DGKB: variants seen among roughly 807,000 people sequenced by gnomAD.
The protein encoded by DGKB is diacylglycerol kinase beta, also known as 90 kDa diacylglycerol kinase.
DGKB carries 67 observed loss-of-function variants against 114.3 expected under a neutral mutation model. That is an observed-to-expected ratio of 0.59 (90% CI 0.48 to 0.72). The LOEUF is 0.72. DGKB is among the 30% of genes least tolerant of loss of function. The probability of loss-of-function intolerance (pLI) is 0.00; values close to 1 mark genes in which losing one functional copy is unlikely to be tolerated. For synonymous variants in DGKB, 398 were observed against 323.1 expected, an observed-to-expected ratio of 1.23 and a Z score of -2.49; for missense variants, 907 against 975.2, an observed-to-expected ratio of 0.93 and a Z score of 0.93.
intron 2 of DGKB, among the ~76,000 whole-genome samples, chr7:14,826,983 A>G (rs914672827): frequency 2.0e-5 from 3 of 152,116 alleles, no homozygotes; most frequent in Non-Finnish European, 4.4e-5. Flanking sequence ...ATCCATGAAT[A>G]ATGGCTAGCC....
At chr7:14,217,513 G>C (rs371125505) in intron 23 of DGKB, among the ~76,000 whole-genome samples, 9 of 151,800 alleles carry the variant, frequency 5.9e-5, no homozygotes, top group African/African-American at 2.2e-4. Flanking sequence ...CTATTCCAAA[G>C]CTCTAAGACC....
intron 13 of DGKB, among the ~76,000 whole-genome samples, chr7:14,645,471 T>A (rs1244222795): frequency 6.6e-6 from 1 of 151,708 alleles, no homozygotes; most frequent in Non-Finnish European, 1.5e-5. Context: ...TGCTGAACAA[T>A]GGCAGCAAAG....
intron 23 of DGKB, among the ~76,000 whole-genome samples, chr7:14,318,491 C>G (rs564596452): frequency 6.6e-6 from 1 of 152,332 alleles, no homozygotes; most frequent in Admixed American, 6.5e-5. Context: ...TCAACAGACA[C>G]TTCTCAAAAG....
chr7:14,726,276 A>G (rs1830018128), intron 5 of DGKB, among the ~76,000 whole-genome samples: 1 of 151,962 alleles, frequency 6.6e-6, no homozygotes, highest in Non-Finnish European at 1.5e-5. Context: ...GGTAGCTGGG[A>G]TTATAGGCAC....
intron 20 of DGKB, among the ~76,000 whole-genome samples, chr7:14,516,882 C>G (rs1788880579): frequency 6.6e-6 from 1 of 151,750 alleles, no homozygotes; most frequent in Admixed American, 6.6e-5. Flanking sequence ...CCATACTGCC[C>G]AAAGCAACTT....
chr7:14,823,479 T>A (rs1443477416), intron 2 of DGKB, among the ~76,000 whole-genome samples: 1 of 152,114 alleles, frequency 6.6e-6, no homozygotes. Context: ...TTTCAGATTT[T>A]TTTTGCTAAT....
intron 23 of DGKB, among the ~76,000 whole-genome samples, chr7:14,232,269 A>C (rs555455654): frequency 2.6e-5 from 4 of 151,646 alleles, no homozygotes; most frequent in Non-Finnish European, 5.9e-5. Context: ...CCCATTTTGT[A>C]CTCAATCCTT....
At chr7:14,796,033 C>T (rs1320840193) in intron 2 of DGKB, among the ~76,000 whole-genome samples, 1 of 152,004 alleles carries the variant, frequency 6.6e-6, no homozygotes, top group Non-Finnish European at 1.5e-5. Context: ...ATTTTGCTCT[C>T]AAAATTAATT....
chr7:14,406,659 C>A (rs1823982760), intron 21 of DGKB, among the ~76,000 whole-genome samples: 1 of 152,020 alleles, frequency 6.6e-6, no homozygotes, highest in African/African-American at 2.4e-5. Flanking sequence ...GACTATCTAT[C>A]CCTAGGGATC....
intron 1 of DGKB, among the ~76,000 whole-genome samples, chr7:14,959,235 T>C (rs1348940941): frequency 1.3e-5 from 2 of 152,104 alleles, no homozygotes; most frequent in African/African-American, 4.8e-5. Flanking sequence ...TATTGATAAG[T>C]TTATTTCTAG....
chr7:14,814,916 ATTCC>A (rs1843904687), intron 2 of DGKB, among the ~76,000 whole-genome samples: 1 of 152,164 alleles, frequency 6.6e-6, no homozygotes, highest in South Asian at 2.1e-4. Flanking sequence ...TTTGTGATCT[ATTCC>A]TTTTGCTCTT....
chr7:14,297,388 G>C (rs1452205795), intron 23 of DGKB, among the ~76,000 whole-genome samples: 1 of 152,072 alleles, frequency 6.6e-6, no homozygotes, highest in Non-Finnish European at 1.5e-5. Flanking sequence ...TGGGATGCAA[G>C]GCTGGTTCAA....
intron 21 of DGKB, among the ~76,000 whole-genome samples, chr7:14,391,107 A>G (rs1821236215): frequency 6.6e-6 from 1 of 152,216 alleles, no homozygotes; most frequent in African/African-American, 2.4e-5. Flanking sequence ...TGTTAACTAC[A>G]CTTGCTAGAG....
chr7:14,267,711 G>T (rs1396995318), intron 23 of DGKB, among the ~76,000 whole-genome samples: 1 of 151,876 alleles, frequency 6.6e-6, no homozygotes, highest in Non-Finnish European at 1.5e-5. Flanking sequence ...GGATGGTCTC[G>T]ATCTCCTGAC....
intron 22 of DGKB, among the ~76,000 whole-genome samples, chr7:14,341,335 GGA>G (rs1239115187): frequency 6.6e-6 from 1 of 151,810 alleles, no homozygotes; most frequent in African/African-American, 2.4e-5. Context: ...TGGTTCTGAT[GGA>G]GACCAGTAAT....
chr7:14,537,147 C>T (rs966305406), intron 20 of DGKB, among the ~76,000 whole-genome samples: 1 of 151,870 alleles, frequency 6.6e-6, no homozygotes, highest in Admixed American at 6.6e-5. Context: ...AAATTTAAAA[C>T]CCTCATAAAA....
Position 14,530,412 on chromosome 7 carries a change from G to GA in DGKB, c.1770+43799dup, listed in dbSNP as rs535518651. Among the ~76,000 whole-genome samples, 10 of 151,260 alleles carry GA rather than the reference G, an allele frequency of 6.6e-5. No individual in the cohort carries two copies. The East Asian group carries it at 1.2e-3, about 18-fold the overall frequency. On this transcript the variant is annotated intron_variant, in intron 20 of 25. Transcript: ENST00000402815. The stretch of plus-strand genomic sequence containing the variant: ...TGCCTTCTCCCTTGATCCCTTTTCA[G>GA]AAAAAAACCCTGTATGGAAGTATGA...
At chr7:14,190,147 G>A (rs1784089866) in intron 23 of DGKB, among the ~76,000 whole-genome samples, 1 of 152,030 alleles carries the variant, frequency 6.6e-6, no homozygotes, top group African/African-American at 2.4e-5. Flanking sequence ...TCACATATTA[G>A]GCCACAAAAT....
intron 15 of DGKB, among the ~76,000 whole-genome samples, chr7:14,614,238 C>A (rs1806118083): frequency 6.6e-6 from 1 of 152,096 alleles, no homozygotes; most frequent in Non-Finnish European, 1.5e-5. Context: ...AAGGTGATAG[C>A]ACGTATTTTT....
Sources: gnomAD v4.1 joint callset for allele counts (sites outside exome capture counted in the v4.1 genomes callset) on GRCh38, gnomAD v4.1.1 for gene constraint, MANE v1.5 for transcripts, NCBI Gene and HGNC (gene_info 2026-07-23, HGNC 2026-07-21) for gene names.